Variants in ADAM22 observed in about 807,000 individuals in gnomAD.
ADAM22 encodes the protein disintegrin and metalloproteinase domain-containing protein 22.
A neutral mutation model predicts 144.6 loss-of-function variants in ADAM22; 65 were observed. The observed-to-expected ratio is 0.45, with a 90% confidence interval of 0.37 to 0.55. ADAM22 has a LOEUF of 0.55. Among genes scored for constraint, ADAM22 ranks in the 20% least tolerant of loss-of-function variants. ADAM22 has a pLI of 0.00. For synonymous variants in ADAM22, 391 were observed against 412.6 expected, an observed-to-expected ratio of 0.95 and a Z score of 0.63; for missense variants, 974 against 1,184.9, an observed-to-expected ratio of 0.82 and a Z score of 2.61.
In ADAM22 at chr7:87,942,264, T is replaced by A. The variant is rs74856081; in HGVS notation, c.246+7078T>A. On this transcript the variant is annotated intron_variant, in intron 2 of 31. Transcript: ENST00000413139. ...TGTTATATACTAAAATAGCTAAATA[T>A]ATGGTAACTTACATGGCTACCTTTT... 1.2e-4 allele frequency among the ~76,000 whole-genome samples: 18 copies of A among 152,314 alleles called. No homozygotes were observed. The East Asian group carries it at 3.1e-3, about 26-fold the overall frequency.
rs1448123193 is a variant in ADAM22, at chr7:88,200,615, TTATG to T, written c.*4126_*4129del. The T allele has an allele frequency of 6.6e-6, 1 of 152,248 alleles. No individual in the cohort carries two copies. The highest frequency in any genetic ancestry group is 2.4e-5 in the African/African-American group (1 of 41,468). The allele number at this position is 152,248 out of a possible 1,614,324, so 9.4% of individuals were successfully genotyped here. A position where few individuals can be genotyped will look rare whatever the true frequency, so the allele number is the denominator to read the frequency against. ...CCTAATTATATTTTTCCTTTCACTT[TTATG>T]TTTTTTTCTAAAACTGCCACCTAAA... On this transcript the variant is annotated 3_prime_UTR_variant, in exon 32 of 32. Coordinates refer to ENST00000413139, the MANE Select transcript of ADAM22 (RefSeq NM_001324418.2).
chr7:88,147,349 T>G (rs1836825258), intron 17 of ADAM22, among the ~76,000 whole-genome samples: 1 of 152,244 alleles, frequency 6.6e-6, no homozygotes, highest in African/African-American at 2.4e-5. Context: ...CTCTATTTTT[T>G]TCTACCTGTA....
intron 3 of ADAM22, among the ~76,000 whole-genome samples, chr7:87,987,627 T>G (rs966932949): frequency 5.3e-5 from 8 of 152,238 alleles, no homozygotes; most frequent in African/African-American, 1.9e-4. Context: ...AACTATTGGA[T>G]GAACAAAATC....
intron 30 of ADAM22, among the ~76,000 whole-genome samples, chr7:88,188,255 C>T (rs1251558008): frequency 6.6e-6 from 1 of 152,020 alleles, no homozygotes; most frequent in African/African-American, 2.4e-5. Flanking sequence ...AATGGTACCC[C>T]GGAAGAGTTG....
intron 3 of ADAM22, among the ~76,000 whole-genome samples, chr7:88,011,790 C>T (rs927141064): frequency 1.4e-5 from 2 of 146,808 alleles, no homozygotes; most frequent in Non-Finnish European, 3.0e-5. Context: ...TCTTTGTCTT[C>T]GGTTTGCTGC....
intron 7 of ADAM22, among the ~76,000 whole-genome samples, chr7:88,124,877 C>T (rs1398000803): frequency 6.6e-6 from 1 of 151,932 alleles, no homozygotes; most frequent in Non-Finnish European, 1.5e-5. Flanking sequence ...GGTAATGGTT[C>T]ACCTTGAGTG....
chr7:88,184,085 T>C (rs1162896209), intron 29 of ADAM22, among the ~76,000 whole-genome samples: 4 of 152,174 alleles, frequency 2.6e-5, no homozygotes, highest in Admixed American at 2.0e-4. Context: ...TTCCCTTTAG[T>C]ACCTCATTAT....
In ADAM22 at chr7:87,935,129, C is replaced by T; in HGVS notation, c.189C>T (p.Asp63=). ...TCATCTACCGCTCGGGCGGCGAAGA[C>T]GAAAGTCGGCACGACGCGCTCGACA... The part of the protein sequence containing the change: ...LRLIYRSGGE[D]ESRHDALDTR... Residue 63 remains aspartate, a synonymous_variant, in exon 2 of 32, where the codon GAC becomes GAT. Transcript: ENST00000413139. 6.2e-7 allele frequency: 1 copy of T among 1,613,622 alleles called. No individual in the cohort carries two copies. Among genetic ancestry groups the T allele is most frequent in the Non-Finnish European group, 8.5e-7 (1 of 1,179,876 alleles).
At chr7:88,046,820 A>G (rs1053497786) in intron 3 of ADAM22, among the ~76,000 whole-genome samples, 2 of 152,150 alleles carry the variant, frequency 1.3e-5, no homozygotes, top group Non-Finnish European at 2.9e-5. Flanking sequence ...AGTTAGGTTA[A>G]TTTTTATAGG....
At position 88,196,669 on chromosome 7, in the gene ADAM22, G is replaced by A. The variant is rs1563451107; in HGVS notation, c.*178G>A. ...TGGTTACCATTTTCTTTTTGTCATT[G>A]GCTTAGGATTTAACTAACCATGAAA... is the stretch of plus-strand genomic sequence containing the variant. On this transcript the variant is annotated 3_prime_UTR_variant, in exon 32 of 32. Transcript: ENST00000413139. 3 of 646,522 alleles carry A rather than the reference G, an allele frequency of 4.6e-6. No individual in the cohort carries two copies. Among genetic ancestry groups the A allele is most frequent in the East Asian group, 5.5e-5 (2 of 36,506 alleles). The allele number at this position is 646,522 out of a possible 1,614,324, so 40.0% of individuals were successfully genotyped here.
At chr7:88,005,135 A>G (rs115529750) in intron 3 of ADAM22, among the ~76,000 whole-genome samples, 71 of 152,292 alleles carry the variant, frequency 4.7e-4, no homozygotes, top group African/African-American at 1.6e-3. Flanking sequence ...TCTCCAAACA[A>G]AACACACACA....
rs139308533 is a variant in ADAM22 at position 88,107,238 on chromosome 7, A to G, written c.391-938A>G. ...TTTTTTTTTTTGAGACAGGGTCTCT[A>G]TCGCCCAGGCTGGAGTACAGTGGTG... On this transcript the variant is annotated intron_variant, in intron 4 of 31. Transcript: ENST00000413139. Among the ~76,000 whole-genome samples, 356 of 110,520 alleles carry G rather than the reference A, an allele frequency of 3.2e-3. 1 individual carries two copies. Among genetic ancestry groups the G allele is most frequent in the African/African-American group, 0.013 (342 of 27,200 alleles). The allele number at this position is 110,520 out of a possible 152,430, so 72.5% of individuals were successfully genotyped here.
chr7:88,175,011 C>T (rs1309560188), intron 26 of ADAM22, among the ~76,000 whole-genome samples: 2 of 152,088 alleles, frequency 1.3e-5, no homozygotes, highest in Non-Finnish European at 2.9e-5. Flanking sequence ...AGATGCCAAC[C>T]AAGCATTGGA....
intron 3 of ADAM22, among the ~76,000 whole-genome samples, chr7:88,045,955 C>A (rs55737537): frequency 7.1e-6 from 1 of 141,564 alleles, no homozygotes; most frequent in African/African-American, 2.6e-5. Flanking sequence ...TTTTCTTTAT[C>A]CATTCATTCA....
At chr7:88,099,893 C>G (rs998805951) in intron 4 of ADAM22, among the ~76,000 whole-genome samples, 1 of 152,028 alleles carries the variant, frequency 6.6e-6, no homozygotes, top group African/African-American at 2.4e-5. Context: ...CTCAAAACAT[C>G]TAAATACTAT....
At chr7:88,020,884 T>G (rs1414309374) in intron 3 of ADAM22, among the ~76,000 whole-genome samples, 1 of 151,910 alleles carries the variant, frequency 6.6e-6, no homozygotes, top group Non-Finnish European at 1.5e-5. Flanking sequence ...AGTACCCTAG[T>G]TGGGGATGAG....
intron 3 of ADAM22, among the ~76,000 whole-genome samples, chr7:88,028,362 T>G (rs926554356): frequency 2.0e-5 from 3 of 152,218 alleles, no homozygotes; most frequent in African/African-American, 7.2e-5. Flanking sequence ...ATAATTTCAT[T>G]TTTTTGAATG....
chr7:88,169,068 T>G (rs947558805), intron 25 of ADAM22, among the ~76,000 whole-genome samples: 1 of 152,162 alleles, frequency 6.6e-6, no homozygotes, highest in Non-Finnish European at 1.5e-5. Flanking sequence ...TGTAATTGTT[T>G]GCTATTATTA....
intron 3 of ADAM22, among the ~76,000 whole-genome samples, chr7:88,047,912 A>T (rs2129473401): frequency 6.6e-6 from 1 of 152,230 alleles, no homozygotes; most frequent in African/African-American, 2.4e-5. Context: ...CATATATATA[A>T]GAAAAGTGAA....
Sources: allele counts gnomAD v4.1 joint callset (sites outside exome capture counted in the v4.1 genomes callset), GRCh38; gene constraint gnomAD v4.1.1; transcripts MANE v1.5; gene names NCBI Gene and HGNC (gene_info 2026-07-23, HGNC 2026-07-21).